FOXJ3: variants seen among roughly 807,000 people sequenced by gnomAD.
The protein encoded by FOXJ3 is forkhead box J3, also known as forkhead box protein J3.
Under a neutral mutation model 76.1 loss-of-function variants are expected in FOXJ3, and 22 were observed. The observed-to-expected ratio is 0.29, with a 90% confidence interval of 0.21 to 0.41. The LOEUF (loss-of-function observed/expected upper bound fraction) is 0.41. Ranked by LOEUF, FOXJ3 falls within the 10% of genes least tolerant of loss-of-function variation. The pLI, the probability that FOXJ3 is intolerant of heterozygous loss-of-function variation, is 1.00. For synonymous variants in FOXJ3, 269 were observed against 261.2 expected (o/e 1.03, Z -0.29); for missense variants, 613 against 762.1 (o/e 0.80, Z 2.30).
chr1:42,178,466 T>A lies in FOXJ3; in HGVS notation c.*1244A>T, dbSNP rs1450784744. On this transcript the variant is annotated 3_prime_UTR_variant, in exon 13 of 13. Transcript: ENST00000361346. ...GAATGACACAATGTCTCTCTGAGTG[T>A]CTTATCTGTAAATTCTTATCAAGAA... 6.6e-6 allele frequency: 1 copy of A among 152,240 alleles called. No homozygotes were observed. The highest frequency in any genetic ancestry group is 2.4e-5 in the African/African-American group (1 of 41,462). 9.4% of individuals were successfully genotyped at this position (152,240 alleles called of 1,614,324 possible).
intron 3 of FOXJ3, among the ~76,000 whole-genome samples, chr1:42,271,506 T>A (rs1428517143): frequency 6.6e-6 from 1 of 152,096 alleles, no homozygotes; most frequent in Admixed American, 6.5e-5. Context: ...ACATAATGTA[T>A]AATATTATTC....
chr1:42,208,201 G>C (rs1481595069), intron 5 of FOXJ3, among the ~76,000 whole-genome samples: 2 of 152,220 alleles, frequency 1.3e-5, no homozygotes, highest in Non-Finnish European at 2.9e-5. Context: ...GAAACACACA[G>C]TAAGTGCTGG....
intron 4 of FOXJ3, among the ~76,000 whole-genome samples, chr1:42,241,497 C>G (rs1345867012): frequency 1.3e-5 from 2 of 152,240 alleles, no homozygotes; most frequent in Non-Finnish European, 2.9e-5. Context: ...CCAAAGCACA[C>G]TGCCTAGGGG....
chr1:42,186,011 C>A (rs1646428293), intron 11 of FOXJ3, among the ~76,000 whole-genome samples: 1 of 152,214 alleles, frequency 6.6e-6, no homozygotes, highest in East Asian at 1.9e-4. Flanking sequence ...ACTTTCTCCC[C>A]CTGGATTACA....
chr1:42,205,758 T>C lies in FOXJ3; in HGVS notation c.630+4A>G, dbSNP rs1380165045. ...TTCAATAATGTTTAAAAAAATGAAA[T>C]TACTTTGTTAGTCACAGTGTTGATT... On this transcript the variant is annotated splice_donor_region_variant and intron_variant, in intron 6 of 12. Transcript: ENST00000361346. 2 of 1,514,940 alleles carry C rather than the reference T, an allele frequency of 1.3e-6. No homozygotes were observed. Among genetic ancestry groups the C allele is most frequent in the Non-Finnish European group, 9.2e-7 (1 of 1,090,690 alleles). 93.8% of individuals were successfully genotyped at this position (1,514,940 alleles called of 1,614,324 possible).
At chr1:42,272,440 T>C (rs1054857905) in intron 3 of FOXJ3, among the ~76,000 whole-genome samples, 14 of 152,238 alleles carry the variant, frequency 9.2e-5, no homozygotes, top group Admixed American at 3.3e-4. Flanking sequence ...AAAATAAAAT[T>C]AAAAGTGATC....
At chr1:42,229,957 A>C (rs1647932948) in intron 4 of FOXJ3, among the ~76,000 whole-genome samples, 1 of 152,202 alleles carries the variant, frequency 6.6e-6, no homozygotes, top group Non-Finnish European at 1.5e-5. Flanking sequence ...GAAACCATTC[A>C]ATGTCCAAAC....
chr1:42,202,930 A>T (rs1646790304), intron 6 of FOXJ3, among the ~76,000 whole-genome samples: 1 of 152,212 alleles, frequency 6.6e-6, no homozygotes, highest in East Asian at 1.9e-4. Context: ...ATCTATTACC[A>T]CGATCTTCTT....
chr1:42,234,594 CTGTT>C lies in FOXJ3; in HGVS notation c.445-6632_445-6629del, dbSNP rs772974317. Among the ~76,000 whole-genome samples, 13 of 152,148 alleles carry C rather than the reference CTGTT, an allele frequency of 8.5e-5. 1 individual carries two copies. Among genetic ancestry groups the C allele is most frequent in the African/African-American group, 3.1e-4 (13 of 41,424 alleles). On this transcript the variant is annotated intron_variant, in intron 4 of 12. Transcript: ENST00000361346. ...TGGGGTTTTGGTGTGGATGTCCTTT[CTGTT>C]TGTTAGTTTTCCTTCTAACAGTCAG...
chr1:42,254,943 A>G (rs1306833812), intron 4 of FOXJ3, among the ~76,000 whole-genome samples: 1 of 151,926 alleles, frequency 6.6e-6, no homozygotes, highest in Non-Finnish European at 1.5e-5. Flanking sequence ...GTGCACATGT[A>G]CCCTAAAACT....
At chr1:42,212,710 C>A (rs937762153) in intron 5 of FOXJ3, among the ~76,000 whole-genome samples, 2 of 151,812 alleles carry the variant, frequency 1.3e-5, no homozygotes, top group Non-Finnish European at 2.9e-5. Context: ...ACAAGAAGCT[C>A]AAAGAACTTC....
chr1:42,306,298 CTTTTTT>C (rs9326121), intron 2 of FOXJ3, among the ~76,000 whole-genome samples: 2 of 81,670 alleles, frequency 2.4e-5, no homozygotes, highest in Admixed American at 1.8e-4. Context: ...GAACTTTTTT[CTTTTTT>C]TTTTTTTTTT....
intron 4 of FOXJ3, among the ~76,000 whole-genome samples, chr1:42,231,242 C>A (rs902834318): frequency 2.0e-5 from 3 of 152,046 alleles, no homozygotes; most frequent in African/African-American, 7.2e-5. Flanking sequence ...AGGAGAATGG[C>A]GTGAACCCAG....
chr1:42,263,529 G>A (rs1394370025), intron 4 of FOXJ3, among the ~76,000 whole-genome samples: 1 of 152,014 alleles, frequency 6.6e-6, no homozygotes, highest in Non-Finnish European at 1.5e-5. Context: ...AGGAAAAGGT[G>A]CACCAATTCC....
intron 4 of FOXJ3, among the ~76,000 whole-genome samples, chr1:42,264,541 C>T (rs1651322135): frequency 1.3e-5 from 2 of 151,978 alleles, no homozygotes; most frequent in Non-Finnish European, 1.5e-5. Flanking sequence ...ACAGTACAAC[C>T]AAGTACTCTT....
chr1:42,190,820 G>A (rs1281967669), intron 9 of FOXJ3, among the ~76,000 whole-genome samples: 1 of 152,114 alleles, frequency 6.6e-6, no homozygotes, highest in African/African-American at 2.4e-5. Context: ...ACTCTGCAGC[G>A]ACTGGGTGAG....
At position 42,179,689 on chromosome 1, in the gene FOXJ3, G is replaced by A. The variant is rs374824845; in HGVS notation, c.*21C>T. On this transcript the variant is annotated 3_prime_UTR_variant, in exon 13 of 13. Transcript: ENST00000361346. ...GCACAGAAAGGTAACGTTAGGGTCT[G>A]GTGTCTTGCAGAAACAAGCCCTACA... The A allele has an allele frequency of 5.8e-5, 83 of 1,429,546 alleles. No individual in the cohort carries two copies. Among genetic ancestry groups the A allele is most frequent in the Non-Finnish European group, 7.8e-5 (79 of 1,011,888 alleles). The allele number at this position is 1,429,546 out of a possible 1,614,324, so 88.6% of individuals were successfully genotyped here. A position where few individuals can be genotyped will look rare whatever the true frequency, so the allele number is the denominator to read the frequency against.
intron 4 of FOXJ3, among the ~76,000 whole-genome samples, chr1:42,235,570 G>GTT (rs36002638): frequency 3.2e-4 from 47 of 145,934 alleles, no homozygotes; most frequent in Middle Eastern, 3.5e-3. Context: ...GTGTTTTTTT[G>GTT]TTTTTTTTTT....
chr1:42,265,524 C>T (rs1421858558), intron 3 of FOXJ3, among the ~76,000 whole-genome samples: 1 of 151,924 alleles, frequency 6.6e-6, no homozygotes, highest in Non-Finnish European at 1.5e-5. Flanking sequence ...TATTATGATA[C>T]ATATTATGAC....
Sources: allele counts gnomAD v4.1 joint callset (sites outside exome capture counted in the v4.1 genomes callset), GRCh38; gene constraint gnomAD v4.1.1; transcripts MANE v1.5; gene names NCBI Gene and HGNC (gene_info 2026-07-23, HGNC 2026-07-21).